The following RBFOX1 variants were observed in gnomAD, a reference collection of about 807,000 sequenced individuals.
RBFOX1 encodes the protein RNA binding protein fox-1 homolog 1.
RBFOX1 carries 8 observed loss-of-function variants against 57.7 expected under a neutral mutation model. The ratio of observed to expected loss-of-function variants is 0.14; its 90% CI spans 0.08 to 0.25. RBFOX1 has a LOEUF of 0.25. Ranked by LOEUF, RBFOX1 falls within the 10% of genes least tolerant of loss-of-function variation. The pLI is 1.00. For missense variants in RBFOX1, 611 were observed against 548.5 expected, an observed-to-expected ratio of 1.11 and a Z score of -1.14; for synonymous variants, 326 against 222.4, an observed-to-expected ratio of 1.47 and a Z score of -4.15.
At chr16:7,219,074 G>C (rs933395932) in intron 4 of RBFOX1, among the ~76,000 whole-genome samples, 1 of 152,144 alleles carries the variant, frequency 6.6e-6, no homozygotes, top group Admixed American at 6.5e-5. Flanking sequence ...TGTGGAGTTG[G>C]CCACCAGCAG....
chr16:7,652,594 G>C (rs139826367), intron 11 of RBFOX1, among the ~76,000 whole-genome samples: 1 of 152,142 alleles, frequency 6.6e-6, no homozygotes, highest in South Asian at 2.1e-4. Flanking sequence ...TTTTAGTAGA[G>C]ATGGGGTTTC....
intron 4 of RBFOX1, among the ~76,000 whole-genome samples, chr16:7,310,706 AAC>A (rs1468586542): frequency 4.6e-5 from 7 of 152,170 alleles, no homozygotes; most frequent in Non-Finnish European, 1.0e-4. Flanking sequence ...AACCAAATAA[AAC>A]ACAGTCACTG....
chr16:6,308,511 T>C (rs1357435939), intron 1 of RBFOX1, among the ~76,000 whole-genome samples: 1 of 152,252 alleles, frequency 6.6e-6, no homozygotes, highest in Admixed American at 6.5e-5. Context: ...GACCCTAGTT[T>C]GCTGAGTGAC....
chr16:7,250,357 G>A (rs1037510775), intron 4 of RBFOX1, among the ~76,000 whole-genome samples: 1 of 152,182 alleles, frequency 6.6e-6, no homozygotes, highest in African/African-American at 2.4e-5. Flanking sequence ...CATGGATGCT[G>A]ACACAATGAT....
In RBFOX1 at chr16:7,059,521, G is replaced by C. The variant is rs149816622; in HGVS notation, c.27+7423G>C. On this transcript the variant is annotated intron_variant, in intron 4 of 15. Transcript: ENST00000550418. ...AGCCTAGTGGAAAAGACATGCATTT[G>C]TCAAATAATCATTGACAACCATTGG... Among the ~76,000 whole-genome samples, 4 of 152,276 alleles carry C rather than the reference G, an allele frequency of 2.6e-5. No individual in the cohort carries two copies. In the East Asian group the frequency reaches 7.7e-4, roughly 29 times the overall value.
chr16:7,029,408 G>T (rs138673862), intron 3 of RBFOX1, among the ~76,000 whole-genome samples: 13 of 151,548 alleles, frequency 8.6e-5, no homozygotes, highest in African/African-American at 2.9e-4. Context: ...TGAGTCTTCA[G>T]TTCTTCTTTT....
chr16:7,680,761 GCTA>G (rs1298807919), intron 14 of RBFOX1, among the ~76,000 whole-genome samples: 1 of 152,114 alleles, frequency 6.6e-6, no homozygotes, highest in African/African-American at 2.4e-5. Flanking sequence ...GTTAGAAATT[GCTA>G]CTTTTGTGTG....
At chr16:6,540,053 G>A (rs1022713333) in intron 2 of RBFOX1, among the ~76,000 whole-genome samples, 2 of 152,050 alleles carry the variant, frequency 1.3e-5, no homozygotes, top group African/African-American at 4.8e-5. Context: ...CCTGGGTAGG[G>A]CCTCACGTGA....
intron 3 of RBFOX1, among the ~76,000 whole-genome samples, chr16:5,744,992 G>C (rs575807545): frequency 6.6e-6 from 1 of 151,988 alleles, no homozygotes; most frequent in African/African-American, 2.4e-5. Context: ...TGTGCACAAC[G>C]TGCAGGTTTG....
intron 3 of RBFOX1, among the ~76,000 whole-genome samples, chr16:6,886,493 C>T (rs1603636720): frequency 6.6e-6 from 1 of 152,106 alleles, no homozygotes; most frequent in African/African-American, 2.4e-5. Context: ...TGGCTCACAC[C>T]TGTAATCCCA....
chr16:6,176,692 A>ATTTTTTTTT (rs71142687), intron 1 of RBFOX1, among the ~76,000 whole-genome samples: 1 of 148,838 alleles, frequency 6.7e-6, no homozygotes. Context: ...TTCTTAGGTC[A>ATTTTTTTTT]TTTTTTTTTT....
intron 1 of RBFOX1, among the ~76,000 whole-genome samples, chr16:6,207,262 T>G (rs2097261557): frequency 6.6e-6 from 1 of 152,200 alleles, no homozygotes; most frequent in Non-Finnish European, 1.5e-5. Context: ...GCATTTTGCA[T>G]AAGGCACACT....
At chr16:7,191,737 G>T (rs965042331) in intron 4 of RBFOX1, among the ~76,000 whole-genome samples, 2 of 152,136 alleles carry the variant, frequency 1.3e-5, no homozygotes, top group Non-Finnish European at 1.5e-5. Context: ...TAAAGAAGGG[G>T]GTTAGAGCGA....
chr16:6,262,036 C>CA (rs747451048), intron 1 of RBFOX1, among the ~76,000 whole-genome samples: 74 of 141,442 alleles, frequency 5.2e-4, no homozygotes, highest in Admixed American at 1.5e-3. Context: ...CTCAGAAAAA[C>CA]AAAAAAAAAA....
intron 2 of RBFOX1, among the ~76,000 whole-genome samples, chr16:6,598,393 A>C (rs1431903416): frequency 2.0e-5 from 3 of 152,200 alleles, no homozygotes; most frequent in Non-Finnish European, 4.4e-5. Context: ...GTAGATGTGA[A>C]TTGATTGGCC....
intron 3 of RBFOX1, among the ~76,000 whole-genome samples, chr16:6,835,371 AG>A (rs1326045088): frequency 6.6e-6 from 1 of 152,216 alleles, no homozygotes; most frequent in African/African-American, 2.4e-5. Context: ...TAATCAGGAC[AG>A]GAAAAGATAT....
chr16:6,947,023 C>T (rs2079671096), intron 3 of RBFOX1, among the ~76,000 whole-genome samples: 1 of 152,196 alleles, frequency 6.6e-6, no homozygotes, highest in African/African-American at 2.4e-5. Context: ...AGTCCCTTCA[C>T]CTCTCTCCTG....
chr16:6,423,883 CG>C (rs930904088), intron 2 of RBFOX1, among the ~76,000 whole-genome samples: 1 of 152,050 alleles, frequency 6.6e-6, no homozygotes, highest in Non-Finnish European at 1.5e-5. Flanking sequence ...ACACAGAGGG[CG>C]GGGAGCTCCG....
At chr16:6,048,206 G>T (rs1297269879) in intron 1 of RBFOX1, among the ~76,000 whole-genome samples, 1 of 152,204 alleles carries the variant, frequency 6.6e-6, no homozygotes, top group African/African-American at 2.4e-5. Flanking sequence ...GCTGGCTCAG[G>T]AAGGATCCTT....
Sources: allele counts gnomAD v4.1 joint callset (sites outside exome capture counted in the v4.1 genomes callset), GRCh38; gene constraint gnomAD v4.1.1; transcripts MANE v1.5; gene names NCBI Gene and HGNC (gene_info 2026-07-23, HGNC 2026-07-21).